Variants in LGR6 observed in about 807,000 individuals in gnomAD.
The protein encoded by LGR6 is leucine rich repeat containing G protein-coupled receptor 6.
Under a neutral mutation model 69.4 loss-of-function variants are expected in LGR6, and 45 were observed. The observed-to-expected ratio is 0.65, with a 90% CI of 0.51 to 0.83. LGR6 has a LOEUF of 0.83. Ranked by LOEUF, LGR6 falls within the 40% of genes least tolerant of loss-of-function variation. The pLI, the probability that LGR6 is intolerant of heterozygous loss-of-function variation, is 0.00. For missense variants in LGR6, 1,108 were observed against 1,246.7 expected, an observed-to-expected ratio of 0.89 and a Z score of 1.68; for synonymous variants, 538 against 555.0, an observed-to-expected ratio of 0.97 and a Z score of 0.43.
At chr1:202,227,853 G>A (rs573831875) in intron 2 of LGR6, 83 bp from the exon 3 acceptor site, 27 of 914,086 alleles carry the variant, frequency 3.0e-5, no homozygotes, top group African/African-American at 4.9e-5. Flanking sequence ...CTCCCTTCCC[G>A]TATCTCAAGA....
Position 202,235,887 on chromosome 1 carries a change from T to C in LGR6, c.357-35T>C, listed in dbSNP as rs749761228. 6.9e-6 allele frequency: 11 copies of C among 1,601,542 alleles called. No homozygotes were observed. The East Asian group carries it at 2.0e-4, about 29-fold the overall frequency. On this transcript the variant is annotated intron_variant, in intron 3 of 17. Coordinates refer to ENST00000367278, the MANE Select transcript of LGR6 (RefSeq NM_001017403.2). Reference sequence around the variant, plus strand: ...ACCCTCCAGCCAGCTCTGCATACCATGTGCGTCCTTAAAGCCCTTTCTCTT... The same window carrying C: ...ACCCTCCAGCCAGCTCTGCATACCACGTGCGTCCTTAAAGCCCTTTCTCTT...
intron 1 of LGR6, among the ~76,000 whole-genome samples, chr1:202,215,028 C>T (rs1354581093): frequency 1.4e-5 from 2 of 146,114 alleles, no homozygotes; most frequent in Admixed American, 6.8e-5. Context: ...TGTGCGCGCG[C>T]GCGCGTTGGT....
intron 4 of LGR6, among the ~76,000 whole-genome samples, chr1:202,239,854 T>C (rs1427654943): frequency 1.3e-5 from 2 of 152,224 alleles, no homozygotes; most frequent in African/African-American, 4.8e-5. Flanking sequence ...ATGGAAGCGA[T>C]AATAGTATCT....
chr1:202,290,996 T>G (rs2148219698), intron 6 of LGR6, among the ~76,000 whole-genome samples: 1 of 152,340 alleles, frequency 6.6e-6, no homozygotes, highest in Non-Finnish European at 1.5e-5. Flanking sequence ...TGGCCATTTC[T>G]GCACAGCCTG....
At chr1:202,314,657 A>G in intron 16 of LGR6, 145 bp from the exon 17 acceptor site, 1 of 640,742 alleles carries the variant, frequency 1.6e-6, no homozygotes, top group Non-Finnish European at 2.9e-6. Context: ...CCCCAAGGGT[A>G]GAAATGGATG....
At chr1:202,315,695 C>T (rs1204150545) in intron 17 of LGR6, among the ~76,000 whole-genome samples, 1 of 152,244 alleles carries the variant, frequency 6.6e-6, no homozygotes, top group Non-Finnish European at 1.5e-5. Context: ...AGGACCCTTG[C>T]CTTCTCCCTT....
chr1:202,242,403 C>T (rs1463119793), intron 4 of LGR6, among the ~76,000 whole-genome samples: 4 of 152,144 alleles, frequency 2.6e-5, no homozygotes, highest in Non-Finnish European at 4.4e-5. Context: ...TCACTAGCTA[C>T]GAGGCCATGG....
At chr1:202,305,162 C>G (rs1032493275) in intron 11 of LGR6, among the ~76,000 whole-genome samples, 1 of 152,170 alleles carries the variant, frequency 6.6e-6, no homozygotes, top group Admixed American at 6.5e-5. Flanking sequence ...TCCGGAGACA[C>G]AGGCTCCAGA....
chr1:202,242,871 C>T (rs1033939754), intron 4 of LGR6, among the ~76,000 whole-genome samples: 5 of 152,194 alleles, frequency 3.3e-5, no homozygotes, highest in African/African-American at 4.8e-5. Flanking sequence ...CAAGGGCAGG[C>T]GAACAACAGG....
intron 6 of LGR6, among the ~76,000 whole-genome samples, chr1:202,287,105 A>G (rs1017879373): frequency 6.6e-6 from 1 of 152,236 alleles, no homozygotes; most frequent in Non-Finnish European, 1.5e-5. Flanking sequence ...AACAAAGTTC[A>G]GGTCTGGCCC....
chr1:202,257,166 T>G (rs1012614364), intron 4 of LGR6, among the ~76,000 whole-genome samples: 2 of 152,244 alleles, frequency 1.3e-5, no homozygotes. Context: ...CTTTTGTCTT[T>G]TTCACTTTCT....
At chr1:202,238,318 T>C (rs1226689083) in intron 4 of LGR6, among the ~76,000 whole-genome samples, 2 of 151,664 alleles carry the variant, frequency 1.3e-5, no homozygotes, top group East Asian at 3.9e-4. Context: ...TCCAGGCTGG[T>C]CTCGAACTCC....
chr1:202,307,805 G>A (rs1653367319), intron 14 of LGR6, among the ~76,000 whole-genome samples: 1 of 152,196 alleles, frequency 6.6e-6, no homozygotes, highest in Admixed American at 6.5e-5. Context: ...GAGCATTGCT[G>A]TAGAGGACTG....
Position 202,225,564 on chromosome 1 carries a change from C to T in LGR6, c.284+70C>T, listed in dbSNP as rs1374377033. The T allele has an allele frequency of 8.0e-6, 11 of 1,380,546 alleles. No individual in the cohort carries two copies. The East Asian group carries it at 2.5e-4, about 32-fold the overall frequency. The allele number at this position is 1,380,546 out of a possible 1,614,324, so 85.5% of individuals were successfully genotyped here. On this transcript the variant is annotated intron_variant, in intron 2 of 17. Transcript: ENST00000367278. ...CTAATATCTCTGGAACCAGAGCTCC[C>T]CAGGAGGTGGGGTGGAGAGAAGAGA...
intron 5 of LGR6, among the ~76,000 whole-genome samples, chr1:202,278,336 A>G (rs1665747915): frequency 6.6e-6 from 1 of 152,100 alleles, no homozygotes; most frequent in South Asian, 2.1e-4. Flanking sequence ...ACCAAGAAGA[A>G]GGGGAGTCAT....
chr1:202,306,476 C>G (rs999140669), intron 12 of LGR6, among the ~76,000 whole-genome samples: 8 of 152,140 alleles, frequency 5.3e-5, no homozygotes, highest in Admixed American at 3.3e-4. Context: ...TCCCATTCAA[C>G]CAGTCTACTG....
intron 4 of LGR6, among the ~76,000 whole-genome samples, chr1:202,266,225 G>A (rs1664641009): frequency 6.6e-6 from 1 of 152,106 alleles, no homozygotes; most frequent in African/African-American, 2.4e-5. Flanking sequence ...TGGCTACTCT[G>A]TGCCTCTGCA....
intron 11 of LGR6, 142 bp downstream of exon 11, chr1:202,304,772 C>T (rs1239565274): frequency 3.8e-6 from 2 of 526,144 alleles, no homozygotes; most frequent in Non-Finnish European, 6.7e-6. Flanking sequence ...GAGAGCCTAC[C>T]CCAGAAGGAC....
intron 4 of LGR6, among the ~76,000 whole-genome samples, chr1:202,248,899 A>G (rs1189306100): frequency 6.6e-6 from 1 of 152,142 alleles, no homozygotes; most frequent in Admixed American, 6.6e-5. Flanking sequence ...GACCATCAGC[A>G]CAGGTGACCC....
Sources: allele counts gnomAD v4.1 joint callset (sites outside exome capture counted in the v4.1 genomes callset), GRCh38; gene constraint gnomAD v4.1.1; transcripts MANE v1.5; gene names NCBI Gene and HGNC (gene_info 2026-07-23, HGNC 2026-07-21).